The following GALNTL6 variants were observed in gnomAD, a reference collection of about 807,000 sequenced individuals.
GALNTL6 encodes polypeptide N-acetylgalactosaminyltransferase like 6, also known as polypeptide N-acetylgalactosaminyltransferase-like 6.
A neutral mutation model predicts 73.7 loss-of-function variants in GALNTL6; 46 were observed. That is an observed-to-expected ratio of 0.62 (90% CI 0.49 to 0.80). The LOEUF is 0.80. GALNTL6 is among the 30% of genes least tolerant of loss of function. The pLI is 0.00. For missense variants in GALNTL6, 604 were observed against 755.0 expected (o/e 0.80, Z 2.34); for synonymous variants, 259 against 263.7 (o/e 0.98, Z 0.17).
intron 2 of GALNTL6, among the ~76,000 whole-genome samples, chr4:171,823,223 CT>C (rs1734730994): frequency 6.6e-6 from 1 of 151,694 alleles, no homozygotes; most frequent in Non-Finnish European, 1.5e-5. Flanking sequence ...ACTAAAATAT[CT>C]TATATTTTTA....
At chr4:172,159,384 AT>A (rs1315926435) in intron 2 of GALNTL6, among the ~76,000 whole-genome samples, 1 of 152,216 alleles carries the variant, frequency 6.6e-6, no homozygotes, top group Non-Finnish European at 1.5e-5. Context: ...AATCGTACAA[AT>A]AAACACACAA....
chr4:173,023,182 G>C (rs1421196787), intron 12 of GALNTL6, among the ~76,000 whole-genome samples: 7 of 152,194 alleles, frequency 4.6e-5, no homozygotes, highest in Admixed American at 1.3e-4. Flanking sequence ...TCAGTGTGGG[G>C]AGAGGGAGGA....
intron 6 of GALNTL6, among the ~76,000 whole-genome samples, chr4:172,810,335 A>G (rs375506752): frequency 6.6e-6 from 1 of 152,214 alleles, no homozygotes; most frequent in African/African-American, 2.4e-5. Flanking sequence ...AGTAAAATAT[A>G]AAGTCCAGTT....
intron 2 of GALNTL6, among the ~76,000 whole-genome samples, chr4:172,206,490 A>G (rs762541226): frequency 9.2e-5 from 14 of 152,070 alleles, no homozygotes; most frequent in Admixed American, 1.3e-4. Context: ...TTGTACTGAC[A>G]CTCTTCATGC....
chr4:172,405,421 ATATATATATATATATATATATATTTTTTT>A (rs1215658426), intron 5 of GALNTL6, among the ~76,000 whole-genome samples: 704 of 5,040 alleles, frequency 0.14, 15 homozygotes, highest in African/African-American at 0.23. Context: ...ATATATATAT[ATATATATATATATATATATATATTTTTTT>A]TTTTTTTTTT....
At chr4:171,956,552 T>A (rs1036650777) in intron 2 of GALNTL6, among the ~76,000 whole-genome samples, 1 of 152,200 alleles carries the variant, frequency 6.6e-6, no homozygotes, top group East Asian at 1.9e-4. Context: ...CTTTTTAAAT[T>A]TTCATTTTTG....
At chr4:172,175,099 C>T (rs1372037333) in intron 2 of GALNTL6, among the ~76,000 whole-genome samples, 2 of 145,630 alleles carry the variant, frequency 1.4e-5, no homozygotes, top group East Asian at 2.0e-4. Context: ...TTTTTTGAGA[C>T]GGAGTCTCAC....
intron 2 of GALNTL6, among the ~76,000 whole-genome samples, chr4:171,919,744 A>T (rs1737729377): frequency 6.6e-6 from 1 of 152,136 alleles, no homozygotes. Context: ...GGCGCTCAGC[A>T]GAGAAGCAAC....
At chr4:172,604,076 A>G (rs1043849652) in intron 5 of GALNTL6, among the ~76,000 whole-genome samples, 1 of 152,234 alleles carries the variant, frequency 6.6e-6, no homozygotes, top group Non-Finnish European at 1.5e-5. Context: ...TGAGCGGTGC[A>G]TTAGTAACAT....
intron 4 of GALNTL6, among the ~76,000 whole-genome samples, chr4:172,343,350 T>C (rs1405123208): frequency 1.3e-5 from 2 of 152,130 alleles, no homozygotes; most frequent in African/African-American, 4.8e-5. Context: ...GAAGAATACA[T>C]GAAAGTTTTA....
intron 5 of GALNTL6, among the ~76,000 whole-genome samples, chr4:172,407,200 A>C (rs549015404): frequency 6.6e-6 from 1 of 152,030 alleles, no homozygotes; most frequent in Non-Finnish European, 1.5e-5. Context: ...TTTAATTTTC[A>C]TGTTTATGAT....
chr4:172,595,927 G>A (rs1470313277), intron 5 of GALNTL6, among the ~76,000 whole-genome samples: 1 of 151,922 alleles, frequency 6.6e-6, no homozygotes. Flanking sequence ...AAGTACAGTT[G>A]CAGATCAAAT....
At chr4:172,172,858 C>T (rs992178464) in intron 2 of GALNTL6, among the ~76,000 whole-genome samples, 3 of 152,122 alleles carry the variant, frequency 2.0e-5, no homozygotes, top group Non-Finnish European at 4.4e-5. Context: ...TTTACTAATC[C>T]GCAGTCTTTG....
chr4:171,957,488 A>G (rs1219394680), intron 2 of GALNTL6, among the ~76,000 whole-genome samples: 2 of 152,188 alleles, frequency 1.3e-5, no homozygotes, highest in Non-Finnish European at 2.9e-5. Flanking sequence ...GCTGACATCT[A>G]TGAAAAAGGA....
At chr4:172,257,285 A>G (rs1033783056) in intron 3 of GALNTL6, among the ~76,000 whole-genome samples, 11 of 151,364 alleles carry the variant, frequency 7.3e-5, no homozygotes, top group African/African-American at 2.4e-4. Context: ...ATATAGTGCT[A>G]TCTCCCTCCA....
intron 3 of GALNTL6, among the ~76,000 whole-genome samples, chr4:172,300,681 A>G (rs572404877): frequency 6.6e-6 from 1 of 152,142 alleles, no homozygotes; most frequent in Non-Finnish European, 1.5e-5. Context: ...TTTCTTTAAG[A>G]ATGTTGAATA....
intron 5 of GALNTL6, among the ~76,000 whole-genome samples, chr4:172,405,347 A>G (rs1744170718): frequency 6.8e-6 from 1 of 147,134 alleles, no homozygotes; most frequent in Non-Finnish European, 1.5e-5. Context: ...AAATATGTAT[A>G]TACTTAATAC....
chr4:172,602,090 A>T (rs574017737), intron 5 of GALNTL6, among the ~76,000 whole-genome samples: 9 of 152,262 alleles, frequency 5.9e-5, no homozygotes, highest in African/African-American at 2.2e-4. Flanking sequence ...AAATATTCAT[A>T]ACTTAGGATT....
chr4:172,110,041 G>A (rs932799742), intron 2 of GALNTL6, among the ~76,000 whole-genome samples: 1 of 152,188 alleles, frequency 6.6e-6, no homozygotes. Context: ...AGCTGTTCCT[G>A]TCTCTGGGAA....
Sources: gnomAD v4.1 joint callset for allele counts (sites outside exome capture counted in the v4.1 genomes callset) on GRCh38, gnomAD v4.1.1 for gene constraint, MANE v1.5 for transcripts, NCBI Gene and HGNC (gene_info 2026-07-23, HGNC 2026-07-21) for gene names.